TNFRSF10B: variants seen among roughly 807,000 people sequenced by gnomAD.
TNFRSF10B encodes tumor necrosis factor receptor superfamily member 10B.
A neutral mutation model predicts 41.4 loss-of-function variants in TNFRSF10B; 35 were observed. The ratio of observed to expected loss-of-function variants is 0.85; its 90% CI spans 0.65 to 1.12. TNFRSF10B has a LOEUF of 1.12. Ranked by LOEUF, TNFRSF10B falls within the 50% of genes most tolerant of loss-of-function variation. TNFRSF10B has a pLI of 0.00. For missense variants in TNFRSF10B, 584 were observed against 552.7 expected, an observed-to-expected ratio of 1.06 and a Z score of -0.57; for synonymous variants, 230 against 215.5, an observed-to-expected ratio of 1.07 and a Z score of -0.59.
At chr8:23,057,772 C>T (rs908133419) in intron 1 of TNFRSF10B, among the ~76,000 whole-genome samples, 8 of 152,122 alleles carry the variant, frequency 5.3e-5, no homozygotes, top group African/African-American at 1.9e-4. Flanking sequence ...ATTATGTCTA[C>T]CAGATGAATT....
intron 2 of TNFRSF10B, among the ~76,000 whole-genome samples, chr8:23,035,122 G>C (rs1281400678): frequency 4.0e-5 from 6 of 151,838 alleles, no homozygotes; most frequent in African/African-American, 1.5e-4. Flanking sequence ...GCAGCCCTAT[G>C]TCATAATTTA....
At chr8:23,036,984 G>A (rs1281681081) in intron 2 of TNFRSF10B, among the ~76,000 whole-genome samples, 2 of 152,172 alleles carry the variant, frequency 1.3e-5, no homozygotes, top group Non-Finnish European at 2.9e-5. Context: ...AGGGTCAGAG[G>A]CTCTGAAGGA....
chr8:23,048,170 A>G (rs2128817381), intron 1 of TNFRSF10B, among the ~76,000 whole-genome samples: 1 of 151,918 alleles, frequency 6.6e-6, no homozygotes, highest in South Asian at 2.1e-4. Flanking sequence ...ACGGTGGCTC[A>G]TGCCTGAATC....
intron 1 of TNFRSF10B, among the ~76,000 whole-genome samples, chr8:23,067,622 T>G (rs779120530): frequency 6.6e-6 from 1 of 151,992 alleles, no homozygotes; most frequent in African/African-American, 2.4e-5. Context: ...CCCTGTACAC[T>G]CTCCTCACTA....
Position 23,063,368 on chromosome 8 carries a change from T to C in TNFRSF10B, c.144+5383A>G, listed in dbSNP as rs1343491246. On this transcript the variant is annotated intron_variant, in intron 1 of 8. Coordinates refer to ENST00000276431, the MANE Select transcript of TNFRSF10B (RefSeq NM_003842.5). Reference sequence around the variant, plus strand: ...TCTCAAAAAAAAAAAAAAAAATCCATGTTTCCATTTCATTTCATCTCTATT... The same window carrying C: ...TCTCAAAAAAAAAAAAAAAAATCCACGTTTCCATTTCATTTCATCTCTATT... Among the ~76,000 whole-genome samples the C allele has an allele frequency of 2.0e-5, 3 of 150,468 alleles. No homozygotes were observed. In the East Asian group the frequency reaches 5.9e-4, roughly 30 times the overall value.
At chr8:23,027,408 G>A (rs1484779327) in intron 6 of TNFRSF10B, 120 bp from the exon 7 acceptor site, 17 of 1,293,810 alleles carry the variant, frequency 1.3e-5, no homozygotes, top group East Asian at 7.2e-5. Context: ...TGAGGTCACC[G>A]CAGGCAGCCC....
Position 23,021,348 on chromosome 8 carries a change from G to A in TNFRSF10B, c.*1323C>T, listed in dbSNP as rs1410826926. 4.4e-6 allele frequency: 2 copies of A among 454,130 alleles called. No homozygotes were observed. Among genetic ancestry groups the A allele is most frequent in the Non-Finnish European group, 8.8e-6 (2 of 226,794 alleles). The allele number at this position is 454,130 out of a possible 1,614,324, so 28.1% of individuals were successfully genotyped here. ...TAGGCAATCTGTACCCTAAAAGGCA[G>A]CTCATGGGCTCAGGGTGACAGATAA... is the stretch of plus-strand genomic sequence containing the variant. On this transcript the variant is annotated 3_prime_UTR_variant, in exon 9 of 9. Transcript: ENST00000276431.
intron 1 of TNFRSF10B, 114 bp downstream of exon 1, chr8:23,068,637 T>G (rs2128823494): frequency 6.9e-7 from 1 of 1,459,554 alleles, no homozygotes; most frequent in South Asian, 1.3e-5. Context: ...TGCCCGGACA[T>G]GCCCGGCCGC....
At chr8:23,043,716 G>A (rs565123926) in intron 1 of TNFRSF10B, among the ~76,000 whole-genome samples, 1 of 152,306 alleles carries the variant, frequency 6.6e-6, no homozygotes, top group East Asian at 1.9e-4. Context: ...ACATTAAATA[G>A]TGAACTTCTG....
intron 7 of TNFRSF10B, among the ~76,000 whole-genome samples, chr8:23,025,156 G>C (rs538025433): frequency 1.4e-4 from 22 of 151,910 alleles, no homozygotes; most frequent in African/African-American, 4.8e-4. Flanking sequence ...ATCTCAGAAA[G>C]AAAGAAAAGA....
chr8:23,069,012 C>G lies in TNFRSF10B; in HGVS notation c.-118G>C. ...GATTGCGGGGTTCTCCGGCCGCGTG[C>G]TGATTTATGTGTCCAGGCTGACTTG... On this transcript the variant is annotated 5_prime_UTR_variant, in exon 1 of 9. Transcript: ENST00000276431. 3 of 1,523,270 alleles carry G rather than the reference C, an allele frequency of 2.0e-6. No individual in the cohort carries two copies. Among genetic ancestry groups the G allele is most frequent in the Non-Finnish European group, 1.8e-6 (2 of 1,115,738 alleles). 94.4% of individuals were successfully genotyped at this position (1,523,270 alleles called of 1,614,324 possible).
chr8:23,034,839 T>C (rs1014888545), intron 2 of TNFRSF10B, among the ~76,000 whole-genome samples: 6 of 152,260 alleles, frequency 3.9e-5, no homozygotes, highest in Admixed American at 2.6e-4. Flanking sequence ...TGAACTTGAC[T>C]ATTTGGCCTG....
At chr8:23,029,307 T>C (rs1039028122) in intron 4 of TNFRSF10B, among the ~76,000 whole-genome samples, 1 of 152,252 alleles carries the variant, frequency 6.6e-6, no homozygotes, top group African/African-American at 2.4e-5. Context: ...ATTCTACTCA[T>C]TCTTCTTATT....
intron 5 of TNFRSF10B, 93 bp downstream of exon 5, chr8:23,028,238 T>G (rs1217676232): frequency 6.3e-7 from 1 of 1,575,068 alleles, no homozygotes; most frequent in Non-Finnish European, 8.7e-7. Context: ...CACTTAGACT[T>G]GGGGCAGGGG....
At chr8:23,058,685 G>A (rs114669211) in intron 1 of TNFRSF10B, among the ~76,000 whole-genome samples, 1,549 of 152,078 alleles carry the variant, frequency 0.01, 30 homozygotes, top group African/African-American at 0.034. Context: ...GGGTTTCTCC[G>A]TGTTGGTTAG....
chr8:23,068,505 C>T (rs983686886), intron 1 of TNFRSF10B: 2 of 585,476 alleles, frequency 3.4e-6, no homozygotes, highest in Non-Finnish European at 5.9e-6. Flanking sequence ...TTGTCGCCCT[C>T]CCCCACTGGA....
Position 23,021,837 on chromosome 8 carries a change from C to T in TNFRSF10B, c.*834G>A, listed in dbSNP as rs1007719313. 6.6e-6 allele frequency: 3 copies of T among 454,012 alleles called. No individual in the cohort carries two copies. In the Admixed American group the frequency reaches 7.0e-5, roughly 11 times the overall value. The allele number at this position is 454,012 out of a possible 1,614,324, so 28.1% of individuals were successfully genotyped here. ...GACAGTGACATCTTACAGGGGACTT[C>T]TTCTTCTTCCCCCATTGTATGTCTC... is the stretch of plus-strand genomic sequence containing the variant. On this transcript the variant is annotated 3_prime_UTR_variant, in exon 9 of 9. Transcript: ENST00000276431.
intron 5 of TNFRSF10B, chr8:23,027,976 C>A (rs1811761844): frequency 3.2e-6 from 2 of 625,814 alleles, no homozygotes; most frequent in Admixed American, 2.9e-5. Flanking sequence ...TCTGGTTCTG[C>A]TCTGACCAAG....
At chr8:23,062,192 G>A (rs1390267756) in intron 1 of TNFRSF10B, among the ~76,000 whole-genome samples, 1 of 151,992 alleles carries the variant, frequency 6.6e-6, no homozygotes, top group Non-Finnish European at 1.5e-5. Flanking sequence ...TGTTGGTTTT[G>A]TGGATTTTCT....
Sources: gnomAD v4.1 joint callset for allele counts (sites outside exome capture counted in the v4.1 genomes callset) on GRCh38, gnomAD v4.1.1 for gene constraint, MANE v1.5 for transcripts, NCBI Gene and HGNC (gene_info 2026-07-23, HGNC 2026-07-21) for gene names.